FAM20A: variants seen among roughly 807,000 people sequenced by gnomAD.
The protein encoded by FAM20A is FAM20A golgi associated secretory pathway pseudokinase.
A neutral mutation model predicts 52.0 loss-of-function variants in FAM20A; 42 were observed. The observed-to-expected ratio is 0.81, with a 90% CI of 0.63 to 1.04. The LOEUF is 1.04. Among genes scored for constraint, FAM20A ranks in the 50% least tolerant of loss-of-function variants. The pLI, the probability that FAM20A is intolerant of heterozygous loss-of-function variation, is 0.00. For synonymous variants in FAM20A, 304 were observed against 298.9 expected (o/e 1.02, Z -0.18); for missense variants, 742 against 712.7 (o/e 1.04, Z -0.47).
At chr17:68,591,666 G>GGTCCCAGATGAAGCCCTCCCT in intron 1 of FAM20A, 1 of 152,226 alleles carries the variant, frequency 6.6e-6, no homozygotes, top group Non-Finnish European at 1.5e-5. Context: ...CCGGACTGCT[G>GGTCCCAGATGAAGCCCTCCCT]GTCCCAGATG....
chr17:68,551,724 T>TATTATCATC (rs34614921), intron 4 of FAM20A, 149 bp downstream of exon 4: 8 of 293,762 alleles, frequency 2.7e-5, no homozygotes, highest in South Asian at 1.2e-4. Context: ...TTATTATTAT[T>TATTATCATC]ATCACCCCAA....
intron 1 of FAM20A, among the ~76,000 whole-genome samples, chr17:68,565,078 G>A (rs2087338053): frequency 1.3e-5 from 2 of 152,168 alleles, no homozygotes. Flanking sequence ...GCCTCCAAAG[G>A]TTTTAGAGCA....
intron 1 of FAM20A, among the ~76,000 whole-genome samples, chr17:68,571,596 C>A (rs2087536314): frequency 6.6e-6 from 1 of 152,160 alleles, no homozygotes; most frequent in South Asian, 2.1e-4. Context: ...TAAATTAAAT[C>A]TTGCATCTGT....
At position 68,553,911 on chromosome 17, in the gene FAM20A, T is replaced by C. The variant is rs1017575218; in HGVS notation, c.640+866A>G. Among the ~76,000 whole-genome samples, 9 of 133,600 alleles carry C rather than the reference T, an allele frequency of 6.7e-5. No individual in the cohort carries two copies. The East Asian group carries it at 1.8e-3, about 27-fold the overall frequency. 87.6% of individuals were successfully genotyped at this position (133,600 alleles called of 152,430 possible). A position where few individuals can be genotyped will look rare whatever the true frequency, so the allele number is the denominator to read the frequency against. ...ATATACACATATATGCATATATACA[T>C]ATATACACACATATATGCATATATA... On this transcript the variant is annotated intron_variant, in intron 3 of 10. Transcript: ENST00000592554.
At chr17:68,552,122 G>A (rs745463550) in intron 3 of FAM20A, among the ~76,000 whole-genome samples, 171 bp from the exon 4 acceptor site, 3 of 152,138 alleles carry the variant, frequency 2.0e-5, no homozygotes, top group Non-Finnish European at 4.4e-5. Context: ...GTGTCAGGCC[G>A]TAGTGACGGT....
chr17:68,600,712 G>C lies in FAM20A; in HGVS notation c.-46C>G. 1.1e-5 allele frequency: 17 copies of C among 1,522,456 alleles called. No individual in the cohort carries two copies. Among genetic ancestry groups the C allele is most frequent in the South Asian group, 1.2e-5 (1 of 82,622 alleles). 94.3% of individuals were successfully genotyped at this position (1,522,456 alleles called of 1,614,324 possible). A position where few individuals can be genotyped will look rare whatever the true frequency, so the allele number is the denominator to read the frequency against. On this transcript the variant is annotated 5_prime_UTR_variant, in exon 1 of 11. Transcript: ENST00000592554. The surrounding 1 kb of genome is among the most constrained non-coding windows in gnomAD (Gnocchi z 6.2). ...CGCCGGGGGCAGGCCGGCTGTCTCC[G>C]GGGTCCCGGGAGGGGTCGCGGGGTG...
chr17:68,539,357 C>T lies in FAM20A; in HGVS notation c.1341G>A (p.Ser447=), dbSNP rs147490820. The change falls in exon 10 of 11, where the codon TCG becomes TCA. Residue 447 remains serine, a synonymous_variant. Coordinates refer to ENST00000592554, the MANE Select transcript of FAM20A (RefSeq NM_017565.4). ...RHSHDEISIL[S]PLSQCCMIKK... ...CTTACATGCAGCACTGGGAGAGAGG[C>T]GAGAGGATGGAGATTTCATCATGGG... 25 of 1,614,138 alleles carry T rather than the reference C, an allele frequency of 1.5e-5. No individual in the cohort carries two copies. In the African/African-American group the frequency reaches 1.9e-4, roughly 12 times the overall value.
At chr17:68,554,175 G>C (rs1242798487) in intron 3 of FAM20A, among the ~76,000 whole-genome samples, 1 of 151,448 alleles carries the variant, frequency 6.6e-6, no homozygotes, top group African/African-American at 2.4e-5. Flanking sequence ...GTGTTGCCTA[G>C]GCTGGAGTGC....
At chr17:68,578,332 G>A (rs1825979707) in intron 1 of FAM20A, among the ~76,000 whole-genome samples, 1 of 152,272 alleles carries the variant, frequency 6.6e-6, no homozygotes. Flanking sequence ...TTAGGCTGGG[G>A]CACATATTTT....
rs148465997 is a variant in FAM20A, at chr17:68,545,919, A to C, written c.720-2198T>G. Among the ~76,000 whole-genome samples, 50 of 152,276 alleles carry C rather than the reference A, an allele frequency of 3.3e-4. 2 individuals are homozygous for C. The East Asian group carries it at 5.8e-3, about 18-fold the overall frequency. On this transcript the variant is annotated intron_variant, in intron 4 of 10. Transcript: ENST00000592554. Reference sequence around the variant, plus strand: ...GTGCGGTGGCTCATGCCTGTAATCCAAGCACTTTGGGAGGCTGAGGCAGGT... The same window carrying C: ...GTGCGGTGGCTCATGCCTGTAATCCCAGCACTTTGGGAGGCTGAGGCAGGT...
Position 68,555,714 on chromosome 17 carries a change from T to A in FAM20A, c.434A>T (p.Asn145Ile), listed in dbSNP as rs1600580753. 1.2e-6 allele frequency: 2 copies of A among 1,613,950 alleles called. No individual in the cohort carries two copies. The highest frequency in any genetic ancestry group is 1.7e-6 in the Non-Finnish European group (2 of 1,180,018). The change falls in exon 2 of 11, where the codon AAC (asparagine) becomes ATC (isoleucine). Residue 145 changes from asparagine to isoleucine, a missense_variant. Physicochemically the swap from Asn to Ile is moderately radical, Grantham distance 149 (BLOSUM62 -3). Transcript: ENST00000592554. ...RRHKMYREQM[N>I]LTSLDPPLQL... ...CAGTGGGGGGTCCAGGGAGGTAAGG[T>A]TCATCTGCTCTCTGTACATCTTGTG...
chr17:68,568,900 G>T (rs2087459466), intron 1 of FAM20A, among the ~76,000 whole-genome samples: 1 of 151,792 alleles, frequency 6.6e-6, no homozygotes, highest in Non-Finnish European at 1.5e-5. Flanking sequence ...GATATATTTT[G>T]GGTAGGGGTG....
chr17:68,575,545 T>A (rs12949391), intron 1 of FAM20A, among the ~76,000 whole-genome samples: 1 of 110,478 alleles, frequency 9.1e-6, no homozygotes, highest in Non-Finnish European at 1.7e-5. Flanking sequence ...ATTTTATATA[T>A]TATATAATAT....
intron 1 of FAM20A, among the ~76,000 whole-genome samples, chr17:68,565,383 CTTTTTTTTT>C (rs796800181): frequency 1.5e-4 from 16 of 103,794 alleles, no homozygotes; most frequent in African/African-American, 6.1e-4. Context: ...CCATTACCTC[CTTTTTTTTT>C]TTTTTTTTTT....
intron 3 of FAM20A, among the ~76,000 whole-genome samples, chr17:68,553,917 C>CCTATAT (rs1180092653): frequency 8.7e-6 from 1 of 115,522 alleles, no homozygotes; most frequent in African/African-American, 4.1e-5. Flanking sequence ...TACATATATA[C>CCTATAT]ACACATATAT....
chr17:68,544,099 T>G (rs758927222), intron 4 of FAM20A, among the ~76,000 whole-genome samples: 36 of 152,076 alleles, frequency 2.4e-4, no homozygotes, highest in Admixed American at 9.2e-4. Flanking sequence ...GTAGTGCAGA[T>G]CCAGATGTCC....
chr17:68,536,006 C>G lies in FAM20A; in HGVS notation c.*1471G>C, dbSNP rs1297270053. ...TATCTGTGTTTGAGAGGATTGGAAA[C>G]CTGTGTGTTGCTTCTGTAGCGTTGG... On this transcript the variant is annotated 3_prime_UTR_variant, in exon 11 of 11. Transcript: ENST00000592554. The G allele has an allele frequency of 2.2e-6, 1 of 453,950 alleles. No homozygotes were observed. Among genetic ancestry groups the G allele is most frequent in the Non-Finnish European group, 4.4e-6 (1 of 226,806 alleles). 28.1% of individuals were successfully genotyped at this position (453,950 alleles called of 1,614,324 possible).
chr17:68,600,162 G>A lies in FAM20A; in HGVS notation c.404+101C>T. ...CAGGGCTGGAGCCGTGGGTGGAGCC[G>A]CTGCAGCCCTGGGCCGGGGGCGTCA... is the stretch of plus-strand genomic sequence containing the variant. On this transcript the variant is annotated intron_variant, in intron 1 of 10. Coordinates refer to ENST00000592554, the MANE Select transcript of FAM20A (RefSeq NM_017565.4). The surrounding 1 kb of genome is among the most constrained non-coding windows in gnomAD (Gnocchi z 6.2). The A allele has an allele frequency of 2.2e-6, 3 of 1,373,652 alleles. No homozygotes were observed. Among genetic ancestry groups the A allele is most frequent in the Non-Finnish European group, 2.9e-6 (3 of 1,026,660 alleles). 85.1% of individuals were successfully genotyped at this position (1,373,652 alleles called of 1,614,324 possible).
In FAM20A at chr17:68,537,509, G is replaced by A. The variant is rs757364783; in HGVS notation, c.1594C>T (p.Pro532Ser). Residue 532 changes from proline (P) to serine (S), a missense_variant, in exon 11 of 11, where the codon CCA becomes TCA. Transcript: ENST00000592554. The surrounding 1 kb of genome is among the most constrained non-coding windows in gnomAD (Gnocchi z 4.2). ...IVDGPVEQLA[P>S]DSGQANLTS ...GTCAAGTTAGCCTGGCCAGAGTCTG[G>A]GGCCAACTGTTCCACTGGGCCGTCG... 3 of 1,613,910 alleles carry A rather than the reference G, an allele frequency of 1.9e-6. No individual in the cohort carries two copies. Among genetic ancestry groups the A allele is most frequent in the Non-Finnish European group, 2.5e-6 (3 of 1,179,978 alleles).
Sources: gnomAD v4.1 joint callset for allele counts (sites outside exome capture counted in the v4.1 genomes callset) on GRCh38, gnomAD v4.1.1 for gene constraint, Gnocchi (gnomAD v3.1) non-coding constraint, MANE v1.5 for transcripts, NCBI Gene and HGNC (gene_info 2026-07-23, HGNC 2026-07-21) for gene names.